Variants in IGFBP2 observed in about 807,000 individuals in gnomAD.
IGFBP2 encodes insulin-like growth factor-binding protein 2.
A neutral mutation model predicts 26.2 loss-of-function variants in IGFBP2; 12 were observed. That is an observed-to-expected ratio of 0.46 (90% CI 0.29 to 0.74). The LOEUF is 0.74. Ranked by LOEUF, IGFBP2 falls within the 30% of genes least tolerant of loss-of-function variation. The pLI is 0.09. For synonymous variants in IGFBP2, 189 were observed against 200.6 expected (o/e 0.94, Z 0.49); for missense variants, 328 against 441.2 (o/e 0.74, Z 2.30).
chr2:216,638,231 G>A (rs1161574039), intron 1 of IGFBP2, among the ~76,000 whole-genome samples: 1 of 151,794 alleles, frequency 6.6e-6, no homozygotes, highest in Non-Finnish European at 1.5e-5. Flanking sequence ...TTGGCCAGGC[G>A]CGGTGGCTCA....
intron 1 of IGFBP2, among the ~76,000 whole-genome samples, chr2:216,655,016 C>G (rs1175031576): frequency 6.6e-6 from 1 of 152,094 alleles, no homozygotes; most frequent in African/African-American, 2.4e-5. Flanking sequence ...GTGGGCCCTT[C>G]TATAAAAACA....
intron 1 of IGFBP2, among the ~76,000 whole-genome samples, chr2:216,641,077 C>T (rs1473068839): frequency 6.6e-6 from 1 of 152,186 alleles, no homozygotes; most frequent in Non-Finnish European, 1.5e-5. Flanking sequence ...AAGGCTCTTC[C>T]TCCAATGCCA....
intron 1 of IGFBP2, among the ~76,000 whole-genome samples, chr2:216,658,004 T>A (rs74628427): frequency 0.032 from 4,846 of 152,280 alleles, 238 homozygotes; most frequent in African/African-American, 0.11. Context: ...TGTCCCAAGA[T>A]CATCGTCATC....
At chr2:216,645,276 C>A (rs202008950) in intron 1 of IGFBP2, among the ~76,000 whole-genome samples, 1 of 152,186 alleles carries the variant, frequency 6.6e-6, no homozygotes, top group East Asian at 1.9e-4. Flanking sequence ...GAGGCTTTTG[C>A]GGTTGAGTAG....
chr2:216,654,123 T>C lies in IGFBP2; in HGVS notation c.443-6434T>C, dbSNP rs561726803. Among the ~76,000 whole-genome samples, 19 of 152,308 alleles carry C rather than the reference T, an allele frequency of 1.2e-4. No individual in the cohort carries two copies. In the South Asian group the frequency reaches 3.9e-3, roughly 32 times the overall value. The stretch of plus-strand genomic sequence containing the variant: ...ATTTTTGTTCTGAGGGCAAATTCCA[T>C]CTCTAGCTGGAGTTCGACATCTGGA... On this transcript the variant is annotated intron_variant, in intron 1 of 3. Transcript: ENST00000233809.
Position 216,633,630 on chromosome 2 carries a change from C to A in IGFBP2, c.107C>A (p.Ala36Glu). 1 of 1,028,862 alleles carries A rather than the reference C, an allele frequency of 9.7e-7. No individual in the cohort carries two copies. Among genetic ancestry groups the A allele is most frequent in the Non-Finnish European group, 1.2e-6 (1 of 860,798 alleles). The allele number at this position is 1,028,862 out of a possible 1,614,324, so 63.7% of individuals were successfully genotyped here. ...GASGGGGGAR[A>E]EVLFRCPPCT... is the part of the protein sequence containing the mutation. Reference sequence around the variant, plus strand: ...AGTGGCGGCGGCGGCGGGGCGCGCGCGGAGGTGCTGTTCCGCTGCCCGCCC... The same window carrying A: ...AGTGGCGGCGGCGGCGGGGCGCGCGAGGAGGTGCTGTTCCGCTGCCCGCCC... Residue 36 changes from alanine (A) to glutamate (E), a missense_variant, in exon 1 of 4, where the codon GCG (alanine) becomes GAG (glutamate). Ala to Glu is a moderately radical substitution (Grantham distance 107, BLOSUM62 -1). Transcript: ENST00000233809.
At chr2:216,638,468 C>G (rs999239333) in intron 1 of IGFBP2, among the ~76,000 whole-genome samples, 5 of 150,064 alleles carry the variant, frequency 3.3e-5, no homozygotes, top group African/African-American at 9.8e-5. Context: ...TGGCGCCACT[C>G]CACTCCAGCC....
At chr2:216,650,601 A>G (rs1379748682) in intron 1 of IGFBP2, among the ~76,000 whole-genome samples, 3 of 152,198 alleles carry the variant, frequency 2.0e-5, no homozygotes, top group Admixed American at 1.3e-4. Context: ...GCCACTCAAC[A>G]GAGGTCACTG....
chr2:216,643,310 T>A (rs1417680998), intron 1 of IGFBP2, among the ~76,000 whole-genome samples: 1 of 151,980 alleles, frequency 6.6e-6, no homozygotes, highest in East Asian at 1.9e-4. Context: ...GTTGGGGGAG[T>A]GTCTTCTGAG....
At chr2:216,654,441 T>C (rs1697882221) in intron 1 of IGFBP2, among the ~76,000 whole-genome samples, 2 of 152,150 alleles carry the variant, frequency 1.3e-5, no homozygotes, top group Admixed American at 6.5e-5. Context: ...CTTAAGAAAG[T>C]TGTCTGGTGC....
chr2:216,645,838 C>T (rs1386251224), intron 1 of IGFBP2, among the ~76,000 whole-genome samples: 4 of 152,136 alleles, frequency 2.6e-5, no homozygotes, highest in East Asian at 1.9e-4. Context: ...TCATGACCCT[C>T]GATGCCATTG....
At chr2:216,641,006 T>A (rs1265751968) in intron 1 of IGFBP2, among the ~76,000 whole-genome samples, 2 of 152,210 alleles carry the variant, frequency 1.3e-5, no homozygotes, top group African/African-American at 4.8e-5. Context: ...TGGCCTTTGC[T>A]GTCATATTGA....
intron 2 of IGFBP2, chr2:216,661,549 C>T (rs571632299): frequency 1.8e-5 from 8 of 446,982 alleles, no homozygotes; most frequent in Middle Eastern, 6.7e-4. Context: ...CATGGAGACT[C>T]GAGACGGCCA....
chr2:216,653,509 T>C (rs981289865), intron 1 of IGFBP2, among the ~76,000 whole-genome samples: 1 of 152,170 alleles, frequency 6.6e-6, no homozygotes, highest in Admixed American at 6.5e-5. Flanking sequence ...CAAAAGACAA[T>C]GTAGGGACCC....
chr2:216,661,002 CT>C, intron 2 of IGFBP2: 1 of 580,278 alleles, frequency 1.7e-6, no homozygotes, highest in Non-Finnish European at 3.1e-6. Context: ...TCTTGATGTT[CT>C]TTCCTTCTAA....
Position 216,661,951 on chromosome 2 carries a change from C to G in IGFBP2, c.766C>G (p.Leu256Val). The change falls in exon 3 of 4, where the codon CTG becomes GTG. Residue 256 changes from leucine (L) to valine (V), a missense_variant. By Grantham distance (32) the Leu-to-Val change is conservative. Transcript: ENST00000233809. ...GGGCCCTCTGGAGCACCTCTACTCC[C>G]TGCACATCCCCAACTGTGACAAGCA... is the stretch of plus-strand genomic sequence containing the variant. ...ERGPLEHLYSLHIPNCDKHGL... is the reference protein window; with the variant it reads ...ERGPLEHLYSVHIPNCDKHGL... 6.2e-7 allele frequency: 1 copy of G among 1,614,234 alleles called. No individual in the cohort carries two copies. Among genetic ancestry groups the G allele is most frequent in the Non-Finnish European group, 8.5e-7 (1 of 1,180,034 alleles).
Position 216,660,628 on chromosome 2 carries a change from G to C in IGFBP2, c.514G>C (p.Gly172Arg), listed in dbSNP as rs746018674. The C allele has an allele frequency of 6.2e-7, 1 of 1,614,028 alleles. No individual in the cohort carries two copies. The highest frequency in any genetic ancestry group is 8.5e-7 in the Non-Finnish European group (1 of 1,179,976). The change falls in exon 2 of 4, where the codon GGG becomes CGG. Residue 172 changes from glycine to arginine, a missense_variant. Coordinates refer to ENST00000233809, the MANE Select transcript of IGFBP2 (RefSeq NM_000597.3). ...HVDSTMNMLG[G>R]GGSAGRKPLK... ...GGACAGCACCATGAACATGTTGGGC[G>C]GGGGAGGCAGTGCTGGCCGGAAGCC... is the stretch of plus-strand genomic sequence containing the variant.
At chr2:216,637,738 C>A (rs1258184848) in intron 1 of IGFBP2, among the ~76,000 whole-genome samples, 1 of 152,226 alleles carries the variant, frequency 6.6e-6, no homozygotes. Flanking sequence ...TCTGCCCACA[C>A]AATGGCTCTT....
chr2:216,647,453 A>G (rs929057437), intron 1 of IGFBP2, among the ~76,000 whole-genome samples: 2 of 152,226 alleles, frequency 1.3e-5, no homozygotes, highest in African/African-American at 4.8e-5. Context: ...AGTTGGGTCA[A>G]ATTACCAGAA....
Sources: allele counts gnomAD v4.1 joint callset (sites outside exome capture counted in the v4.1 genomes callset), GRCh38; gene constraint gnomAD v4.1.1; transcripts MANE v1.5; gene names NCBI Gene and HGNC (gene_info 2026-07-23, HGNC 2026-07-21).